CCDC102B: variants seen among roughly 807,000 people sequenced by gnomAD.
The protein encoded by CCDC102B is coiled-coil domain containing 102B.
In CCDC102B, 75 loss-of-function variants were observed where a neutral mutation model predicts 57.4. That is an observed-to-expected ratio of 1.31 (90% CI 1.08 to 1.58). The LOEUF (loss-of-function observed/expected upper bound fraction) is 1.58. CCDC102B is among the 40% of genes most tolerant of loss of function. CCDC102B has a pLI of 0.00. For synonymous variants in CCDC102B, 206 were observed against 201.9 expected (o/e 1.02, Z -0.17); for missense variants, 636 against 582.6 (o/e 1.09, Z -0.94).
chr18:69,057,667 GC>G (rs1222201051), downstream of CCDC102B, among the ~76,000 whole-genome samples: 1 of 151,990 alleles, frequency 6.6e-6, no homozygotes, highest in Non-Finnish European at 1.5e-5. Context: ...TATGGAAGTA[GC>G]CACGTGCATG....
intron 6 of CCDC102B, among the ~76,000 whole-genome samples, chr18:68,950,844 A>T (rs555603134): frequency 6.6e-6 from 1 of 152,256 alleles, no homozygotes; most frequent in East Asian, 1.9e-4. Flanking sequence ...AAGAGAACAA[A>T]CTTTAAAGTG....
At chr18:68,898,058 A>C (rs1043916591) in intron 6 of CCDC102B, among the ~76,000 whole-genome samples, 3 of 152,088 alleles carry the variant, frequency 2.0e-5, no homozygotes, top group African/African-American at 7.2e-5. Context: ...CTATAGACGG[A>C]CATTTTTTTG....
chr18:68,731,430 CT>C (rs1281156617), intron 2 of CCDC102B, among the ~76,000 whole-genome samples: 1 of 152,068 alleles, frequency 6.6e-6, no homozygotes, highest in Non-Finnish European at 1.5e-5. Flanking sequence ...TGCACACTCC[CT>C]TATCCTTTCC....
At chr18:68,804,258 A>G (rs558877166) in intron 1 of CCDC102B, among the ~76,000 whole-genome samples, 1 of 152,158 alleles carries the variant, frequency 6.6e-6, no homozygotes, top group Non-Finnish European at 1.5e-5. Context: ...TGACACAGGG[A>G]ACACTGTGGA....
chr18:69,036,931 A>C (rs1471685349), intron 7 of CCDC102B, among the ~76,000 whole-genome samples: 1 of 152,054 alleles, frequency 6.6e-6, no homozygotes, highest in Admixed American at 6.6e-5. Flanking sequence ...TATCAAATAG[A>C]GAAAAACAGG....
At chr18:68,944,705 A>G (rs537726240) in intron 6 of CCDC102B, among the ~76,000 whole-genome samples, 1 of 152,122 alleles carries the variant, frequency 6.6e-6, no homozygotes, top group Admixed American at 6.6e-5. Flanking sequence ...AATAATAATA[A>G]TAATAAACAT....
At chr18:68,795,377 A>G (rs541108422), upstream of CCDC102B, among the ~76,000 whole-genome samples, 4 of 152,330 alleles carry the variant, frequency 2.6e-5, no homozygotes, top group African/African-American at 9.6e-5. Context: ...ATATTTCAGA[A>G]TTATATGTCT....
At chr18:68,958,723 A>G (rs1211565255) in intron 6 of CCDC102B, among the ~76,000 whole-genome samples, 23 of 151,992 alleles carry the variant, frequency 1.5e-4, no homozygotes, top group Admixed American at 1.5e-3. Context: ...GTGTATTTAC[A>G]CATAGCCTGT....
chr18:69,033,751 T>C (rs2052210978), intron 7 of CCDC102B, among the ~76,000 whole-genome samples: 1 of 152,052 alleles, frequency 6.6e-6, no homozygotes, highest in South Asian at 2.1e-4. Flanking sequence ...ACTCTATGTC[T>C]AACTTTTAAG....
chr18:69,022,393 G>A (rs775190712), intron 7 of CCDC102B, among the ~76,000 whole-genome samples: 1 of 150,828 alleles, frequency 6.6e-6, no homozygotes, highest in Non-Finnish European at 1.5e-5. Context: ...TTTTTCTTTT[G>A]AATAATGTTG....
intron 6 of CCDC102B, among the ~76,000 whole-genome samples, chr18:68,948,443 A>G (rs1793009113): frequency 1.3e-5 from 2 of 152,004 alleles, no homozygotes; most frequent in South Asian, 4.2e-4. Context: ...TTTTCACATT[A>G]TTTTCTTCAA....
At chr18:68,740,075 G>A (rs2033317349) in intron 2 of CCDC102B, among the ~76,000 whole-genome samples, 1 of 152,118 alleles carries the variant, frequency 6.6e-6, no homozygotes, top group South Asian at 2.1e-4. Context: ...GACATTCTGG[G>A]TCAGATAATT....
chr18:68,931,475 G>T (rs1189110195), intron 6 of CCDC102B, among the ~76,000 whole-genome samples: 1 of 151,566 alleles, frequency 6.6e-6, no homozygotes, highest in African/African-American at 2.4e-5. Flanking sequence ...TATCATCTGG[G>T]GGTGAAGATT....
At chr18:68,890,906 G>C (rs1045013503) in intron 5 of CCDC102B, among the ~76,000 whole-genome samples, 1 of 152,060 alleles carries the variant, frequency 6.6e-6, no homozygotes, top group Non-Finnish European at 1.5e-5. Context: ...GAATAAAGCT[G>C]CTAATATATT....
chr18:68,727,452 A>G (rs117607523), intron 2 of CCDC102B, among the ~76,000 whole-genome samples: 152 of 152,358 alleles, frequency 1.0e-3, no homozygotes, highest in Non-Finnish European at 1.6e-3. Flanking sequence ...TAATGTCAAT[A>G]AAGCATCCCA....
At chr18:69,000,794 T>C (rs982537739) in intron 6 of CCDC102B, among the ~76,000 whole-genome samples, 2 of 152,224 alleles carry the variant, frequency 1.3e-5, no homozygotes, top group Non-Finnish European at 2.9e-5. Flanking sequence ...TTTGGAAATT[T>C]GAATTTTACA....
chr18:68,962,394 T>C (rs375908642), intron 6 of CCDC102B, among the ~76,000 whole-genome samples: 5 of 152,120 alleles, frequency 3.3e-5, no homozygotes, highest in East Asian at 1.9e-4. Context: ...CTGCTCCTTA[T>C]GTATATTTCC....
At chr18:68,830,493 T>C (rs1403584326) in intron 1 of CCDC102B, among the ~76,000 whole-genome samples, 6 of 148,432 alleles carry the variant, frequency 4.0e-5, no homozygotes, top group African/African-American at 1.6e-4. Flanking sequence ...TGGGATAGTT[T>C]GTGGCTTTGT....
chr18:68,951,560 T>C (rs1204298912), intron 6 of CCDC102B, among the ~76,000 whole-genome samples: 1 of 152,034 alleles, frequency 6.6e-6, no homozygotes, highest in African/African-American at 2.4e-5. Context: ...GTAATCCCCG[T>C]ACTTTGGGAG....
Sources: gnomAD v4.1 joint callset for allele counts (sites outside exome capture counted in the v4.1 genomes callset) on GRCh38, gnomAD v4.1.1 for gene constraint, MANE v1.5 for transcripts, NCBI Gene and HGNC (gene_info 2026-07-23, HGNC 2026-07-21) for gene names.